The following USP9X variants were observed in gnomAD, a reference collection of about 807,000 sequenced individuals.
USP9X encodes the protein ubiquitin carboxyl-terminal hydrolase 9X.
In USP9X, 7 loss-of-function variants were observed where a neutral mutation model predicts 190.3. That is an observed-to-expected ratio of 0.04 (90% confidence interval 0.02 to 0.07). The LOEUF (loss-of-function observed/expected upper bound fraction) is 0.07, where lower values mean the gene tolerates loss of function less well. Among genes scored for constraint, USP9X ranks in the 10% least tolerant of loss-of-function variants. The probability of loss-of-function intolerance (pLI) is 1.00; values close to 1 mark genes in which losing one functional copy is unlikely to be tolerated. For synonymous variants in USP9X, 645 were observed against 659.5 expected (o/e 0.98, Z 0.34); for missense variants, 1,010 against 1,916.9 (o/e 0.53, Z 8.83).
At chrX:41,102,399 CTT>C (rs1403801616) in intron 1 of USP9X, among the ~76,000 whole-genome samples, 1 of 110,949 alleles carries the variant, frequency 9.0e-6, no homozygotes, top group African/African-American at 3.3e-5. Context: ...GGGCGGATCA[CTT>C]GAGGTCAGGA....
Position 41,216,743 on chromosome X carries a change from C to T in USP9X, c.6085+91C>T, listed in dbSNP as rs1294045862. 5.0e-6 allele frequency: 5 copies of T among 1,000,400 alleles called. No homozygotes were observed. The African/African-American group carries it at 7.8e-5, about 16-fold the overall frequency. The allele number at this position is 1,000,400 out of a possible 1,213,427, so 82.4% of individuals were successfully genotyped here. A position where few individuals can be genotyped will look rare whatever the true frequency, so the allele number is the denominator to read the frequency against. On this transcript the variant is annotated intron_variant, in intron 35 of 44. Transcript: ENST00000378308. ...TAAGTTCATAAAATTAATGTTTTCA[C>T]TTTAAATGAGTCTAATTTGCTGGGT...
rs763739458 is a variant in USP9X at position 41,187,964 on chromosome X, A to G, written c.3685-28A>G. On this transcript the variant is annotated intron_variant, in intron 24 of 44. Transcript: ENST00000378308. ...ACATAATTTCACTCTCATTCTATCAACAGTTCTATTTACTCGTTATCTTGC... is the reference window on the plus strand; with the variant it reads ...ACATAATTTCACTCTCATTCTATCAGCAGTTCTATTTACTCGTTATCTTGC... 2.3e-5 allele frequency: 27 copies of G among 1,188,272 alleles called. No individual in the cohort carries two copies. The Admixed American group carries it at 3.9e-4, about 17-fold the overall frequency.
chrX:41,153,021 G>A lies in USP9X; in HGVS notation c.1837G>A (p.Val613Ile). 8.3e-7 allele frequency: 1 copy of A among 1,210,659 alleles called. No individual in the cohort carries two copies. The highest frequency in any genetic ancestry group is 1.1e-6 in the Non-Finnish European group (1 of 894,932). Reference sequence around the variant, plus strand: ...TCAACTTCAACACAATCATGCCCTAGTTACTTTGGTAGCAGAAAACCTTGC... The same window carrying A: ...TCAACTTCAACACAATCATGCCCTAATTACTTTGGTAGCAGAAAACCTTGC... Reference protein sequence around the residue: ...INQLQHNHALVTLVAENLATY... With the variant: ...INQLQHNHALITLVAENLATY... The change falls in exon 14 of 45, where the codon GTT becomes ATT. Residue 613 changes from valine to isoleucine, a missense_variant. By Grantham distance (29) the Val-to-Ile change is conservative (BLOSUM62 3). Around this residue, in one of 11 missense-constraint regions of USP9X, gnomAD observed 104 missense variants for 239.8 expected, o/e 0.43. Coordinates refer to ENST00000378308, the MANE Select transcript of USP9X (RefSeq NM_001039591.3).
intron 3 of USP9X, among the ~76,000 whole-genome samples, chrX:41,130,028 C>T (rs1368982272): frequency 1.8e-5 from 2 of 110,845 alleles, no homozygotes; most frequent in African/African-American, 6.6e-5. Flanking sequence ...TGTAATTTCC[C>T]CCTTACATAC....
intron 1 of USP9X, among the ~76,000 whole-genome samples, chrX:41,113,774 A>G (rs1401240967): frequency 5.4e-5 from 6 of 111,722 alleles, no homozygotes; most frequent in Non-Finnish European, 1.1e-4. Context: ...GCTTGGAAAT[A>G]CTGAAAAAAT....
chrX:41,096,099 A>C (rs762813637), intron 1 of USP9X, among the ~76,000 whole-genome samples: 4 of 112,090 alleles, frequency 3.6e-5, no homozygotes, highest in African/African-American at 1.3e-4. Flanking sequence ...AGGTCTGTTG[A>C]AAGGTCATTG....
chrX:41,230,088 C>T (rs1035140919), intron 43 of USP9X, among the ~76,000 whole-genome samples: 19 of 111,449 alleles, frequency 1.7e-4, no homozygotes, highest in African/African-American at 5.5e-4. Context: ...GTAATCTCAG[C>T]TACTTGGGAG....
intron 1 of USP9X, among the ~76,000 whole-genome samples, chrX:41,096,363 T>C (rs1279285431): frequency 8.9e-6 from 1 of 112,596 alleles, no homozygotes; most frequent in Non-Finnish European, 1.9e-5. Flanking sequence ...ATTTTGGAGG[T>C]TAGCTTTACT....
chrX:41,155,607 C>G (rs370919254), intron 14 of USP9X, among the ~76,000 whole-genome samples: 1 of 111,550 alleles, frequency 9.0e-6, no homozygotes, highest in Non-Finnish European at 1.9e-5. Context: ...TTTTTAGGAA[C>G]GTTTTCCACA....
intron 32 of USP9X, among the ~76,000 whole-genome samples, chrX:41,210,059 G>T (rs1436254529): frequency 8.9e-6 from 1 of 111,892 alleles, no homozygotes; most frequent in East Asian, 2.8e-4. Context: ...AGAGTAACTA[G>T]ATCTGATCTT....
intron 14 of USP9X, among the ~76,000 whole-genome samples, chrX:41,156,179 T>C (rs187806323): frequency 3.0e-4 from 33 of 111,642 alleles, no homozygotes; most frequent in Non-Finnish European, 5.5e-4. Context: ...GTATAGCAAA[T>C]GGGAAAACAC....
chrX:41,168,242 G>A (rs750378416), intron 18 of USP9X, 24 bp downstream of exon 18: 7 of 1,102,849 alleles, frequency 6.3e-6, no homozygotes, highest in Non-Finnish European at 6.1e-6. Flanking sequence ...TAATCTATTG[G>A]TGCTAATTCT....
chrX:41,099,095 TG>T (rs1569147025), intron 1 of USP9X, among the ~76,000 whole-genome samples: 7 of 72,499 alleles, frequency 9.7e-5, no homozygotes, highest in Admixed American at 3.3e-4. Flanking sequence ...CCCAGATAAT[TG>T]TTTTTTTTTT....
chrX:41,217,174 G>A lies in USP9X; in HGVS notation c.6086-46G>A, dbSNP rs774230537. 21 of 1,154,034 alleles carry A rather than the reference G, an allele frequency of 1.8e-5. No homozygotes were observed. In the African/African-American group the frequency reaches 2.7e-4, roughly 15 times the overall value. On this transcript the variant is annotated intron_variant, in intron 35 of 44. Transcript: ENST00000378308. Reference sequence around the variant, plus strand: ...GAAACACAGACTTGTTTGAAAATGGGGTTGGAAAATAAAAATGTGTTTTTA... The same window carrying A: ...GAAACACAGACTTGTTTGAAAATGGAGTTGGAAAATAAAAATGTGTTTTTA...
chrX:41,217,609 G>C (rs1021455021), intron 36 of USP9X, among the ~76,000 whole-genome samples: 2 of 111,769 alleles, frequency 1.8e-5, no homozygotes, highest in Non-Finnish European at 3.8e-5. Flanking sequence ...CTGAGACTGG[G>C]GGACAGTGAC....
intron 41 of USP9X, among the ~76,000 whole-genome samples, chrX:41,227,747 C>T (rs941706924): frequency 4.5e-5 from 5 of 110,464 alleles, no homozygotes; most frequent in Non-Finnish European, 9.5e-5. Context: ...GTCACCCAGG[C>T]TGGAGTGCAG....
chrX:41,185,501 G>A (rs1181218400), intron 23 of USP9X, among the ~76,000 whole-genome samples: 2 of 111,344 alleles, frequency 1.8e-5, no homozygotes, highest in Non-Finnish European at 3.8e-5. Flanking sequence ...AAACAATTTG[G>A]TTCACTGGCG....
intron 2 of USP9X, among the ~76,000 whole-genome samples, chrX:41,126,757 T>G (rs2062257724): frequency 8.9e-6 from 1 of 111,988 alleles, no homozygotes; most frequent in African/African-American, 3.2e-5. Context: ...GGATTTTATT[T>G]TACAAGATCT....
intron 26 of USP9X, among the ~76,000 whole-genome samples, chrX:41,191,492 G>A (rs768185056): frequency 9.0e-6 from 1 of 111,503 alleles, no homozygotes; most frequent in African/African-American, 3.3e-5. Flanking sequence ...CACTTAATCC[G>A]TATAGCAACT....
Sources: allele counts gnomAD v4.1 joint callset (sites outside exome capture counted in the v4.1 genomes callset), GRCh38; gene constraint gnomAD v4.1.1; regional missense constraint gnomAD v4.1.1; transcripts MANE v1.5; gene names NCBI Gene and HGNC (gene_info 2026-07-23, HGNC 2026-07-21).